FSTL4: variants seen among roughly 807,000 people sequenced by gnomAD.
FSTL4 encodes the protein follistatin-related protein 4.
Under a neutral mutation model 78.2 loss-of-function variants are expected in FSTL4, and 28 were observed. The observed-to-expected ratio is 0.36, with a 90% CI of 0.27 to 0.49. The LOEUF (loss-of-function observed/expected upper bound fraction) is 0.49, where lower values mean the gene tolerates loss of function less well. Ranked by LOEUF, FSTL4 falls within the 20% of genes least tolerant of loss-of-function variation. FSTL4 has a pLI of 0.98. For synonymous variants in FSTL4, 422 were observed against 440.5 expected, an observed-to-expected ratio of 0.96 and a Z score of 0.53; for missense variants, 922 against 1,084.9, an observed-to-expected ratio of 0.85 and a Z score of 2.11.
intron 6 of FSTL4, among the ~76,000 whole-genome samples, chr5:133,296,856 C>T (rs1028741147): frequency 6.6e-6 from 1 of 152,222 alleles, no homozygotes; most frequent in African/African-American, 2.4e-5. Context: ...CCTAGAACAG[C>T]TCCTGCCAGG....
chr5:133,217,862 G>A (rs899958687), intron 12 of FSTL4, among the ~76,000 whole-genome samples: 5 of 151,982 alleles, frequency 3.3e-5, no homozygotes, highest in Admixed American at 3.3e-4. Context: ...ATCCTCCCTC[G>A]GCGGCTGATC....
At chr5:133,537,068 A>G (rs1759364653) in intron 3 of FSTL4, among the ~76,000 whole-genome samples, 1 of 152,206 alleles carries the variant, frequency 6.6e-6, no homozygotes, top group Non-Finnish European at 1.5e-5. Context: ...AGAGTTGCAC[A>G]AGCTTCTGCT....
chr5:133,827,216 T>A, the FSTL4 span, among the ~76,000 whole-genome samples: 1 of 152,178 alleles, frequency 6.6e-6, no homozygotes, highest in Non-Finnish European at 1.5e-5. Context: ...TAGGTCTCCA[T>A]CCAGGCTTTG....
At chr5:133,265,865 G>T (rs566194163) in intron 6 of FSTL4, among the ~76,000 whole-genome samples, 1 of 152,162 alleles carries the variant, frequency 6.6e-6, no homozygotes, top group African/African-American at 2.4e-5. Context: ...CTAGGGTGGG[G>T]GCCCTCTCCT....
Position 133,495,920 on chromosome 5 carries a change from T to C in FSTL4, c.160+71266A>G, listed in dbSNP as rs373515857. On this transcript the variant is annotated intron_variant, in intron 3 of 15. Coordinates refer to ENST00000265342, the MANE Select transcript of FSTL4 (RefSeq NM_015082.2). ...AGGACATCAAGTGGGGTTCCTCCAC[T>C]GAAGTAAGTAAGAGCATAAACGCAG... 3.1e-4 allele frequency among the ~76,000 whole-genome samples: 47 copies of C among 152,312 alleles called. No homozygotes were observed. In the East Asian group the frequency reaches 6.2e-3, roughly 20 times the overall value.
At chr5:133,274,926 C>T (rs1403134732) in intron 6 of FSTL4, among the ~76,000 whole-genome samples, 1 of 152,216 alleles carries the variant, frequency 6.6e-6, no homozygotes. Context: ...ATTTACAGGG[C>T]CTTGTGTAAT....
At chr5:133,667,882 G>C in the FSTL4 span, among the ~76,000 whole-genome samples, 1 of 152,216 alleles carries the variant, frequency 6.6e-6, no homozygotes, top group African/African-American at 2.4e-5. Context: ...CATGCAGAAT[G>C]GTGCCTGGCA....
chr5:133,247,190 CG>C (rs1405082101), intron 7 of FSTL4: 1 of 151,990 alleles, frequency 6.6e-6, no homozygotes, highest in Admixed American at 6.6e-5. Context: ...TGCCTATTTG[CG>C]GGCTACTGAC....
chr5:133,788,249 T>C, the FSTL4 span, among the ~76,000 whole-genome samples: 1 of 152,134 alleles, frequency 6.6e-6, no homozygotes, highest in East Asian at 1.9e-4. Flanking sequence ...CTCCTCTGCT[T>C]CCCTCCATGG....
the FSTL4 span, among the ~76,000 whole-genome samples, chr5:133,687,211 T>C: frequency 7.6e-6 from 1 of 131,454 alleles, no homozygotes; most frequent in South Asian, 2.6e-4. Context: ...AGAGGCTAAA[T>C]AGGGGGGGCA....
At chr5:133,549,114 T>G (rs1759640532) in intron 3 of FSTL4, among the ~76,000 whole-genome samples, 1 of 152,246 alleles carries the variant, frequency 6.6e-6, no homozygotes, top group Admixed American at 6.5e-5. Flanking sequence ...TTTACTGGGC[T>G]TCCTGTATCT....
At chr5:133,259,655 C>T (rs993655911) in intron 6 of FSTL4, among the ~76,000 whole-genome samples, 9 of 151,486 alleles carry the variant, frequency 5.9e-5, no homozygotes, top group Admixed American at 1.3e-4. Flanking sequence ...AGGGTCACTC[C>T]GGCTGTTGTG....
At chr5:133,719,468 G>A in the FSTL4 span, among the ~76,000 whole-genome samples, 9 of 152,016 alleles carry the variant, frequency 5.9e-5, no homozygotes, top group East Asian at 1.2e-3. Flanking sequence ...TCGGGAGTTC[G>A]AAACCAGACT....
At chr5:133,555,378 G>A (rs897736609) in intron 3 of FSTL4, among the ~76,000 whole-genome samples, 12 of 152,130 alleles carry the variant, frequency 7.9e-5, no homozygotes, top group African/African-American at 2.2e-4. Flanking sequence ...AGAACTGGAC[G>A]CTATAATCTC....
chr5:133,665,271 T>C, the FSTL4 span, among the ~76,000 whole-genome samples: 3 of 152,248 alleles, frequency 2.0e-5, no homozygotes, highest in South Asian at 6.2e-4. Context: ...TTATTTCTTA[T>C]TCTCATCAGG....
At chr5:133,457,713 C>T (rs1757520132) in intron 3 of FSTL4, 1 of 152,270 alleles carries the variant, frequency 6.6e-6, no homozygotes, top group Non-Finnish European at 1.5e-5. Flanking sequence ...CATCTCAAGT[C>T]TGCATTGCCC....
the FSTL4 span, among the ~76,000 whole-genome samples, chr5:133,832,837 T>C: frequency 2.0e-5 from 3 of 152,240 alleles, no homozygotes; most frequent in African/African-American, 7.2e-5. Context: ...TATCCAACTC[T>C]GCCGTTGTGG....
chr5:133,593,376 C>T (rs1186064092), intron 2 of FSTL4, among the ~76,000 whole-genome samples: 2 of 152,130 alleles, frequency 1.3e-5, no homozygotes, highest in East Asian at 1.9e-4. Flanking sequence ...CAGAGCAGTA[C>T]AGGCTCTGGT....
chr5:133,303,371 C>T (rs1753591088), intron 6 of FSTL4, among the ~76,000 whole-genome samples: 1 of 152,208 alleles, frequency 6.6e-6, no homozygotes, highest in Non-Finnish European at 1.5e-5. Flanking sequence ...GGGTTTCCAG[C>T]TCACTCCTCA....
Sources: allele counts gnomAD v4.1 joint callset (sites outside exome capture counted in the v4.1 genomes callset), GRCh38; gene constraint gnomAD v4.1.1; transcripts MANE v1.5; gene names NCBI Gene and HGNC (gene_info 2026-07-23, HGNC 2026-07-21).